The following CNBD1 variants were observed in gnomAD, a reference collection of about 807,000 sequenced individuals.
CNBD1 encodes the protein cyclic nucleotide-binding domain-containing protein 1.
In CNBD1, 71 loss-of-function variants were observed where a neutral mutation model predicts 54.4. The ratio of observed to expected loss-of-function variants is 1.30; its 90% confidence interval spans 1.08 to 1.59. The LOEUF (loss-of-function observed/expected upper bound fraction) is 1.59. Among genes scored for constraint, CNBD1 ranks in the 40% most tolerant of loss-of-function variants. The pLI, the probability that CNBD1 is intolerant of heterozygous loss-of-function variation, is 0.00. For missense variants in CNBD1, 659 were observed against 518.0 expected, an observed-to-expected ratio of 1.27 and a Z score of -2.64; for synonymous variants, 182 against 170.7, an observed-to-expected ratio of 1.07 and a Z score of -0.51.
rs115810697 is a variant in CNBD1 at position 87,364,592 on chromosome 8, G to A, written c.1303+10806G>A. Among the ~76,000 whole-genome samples, 591 of 151,708 alleles carry A rather than the reference G, an allele frequency of 3.9e-3. 8 individuals are homozygous for A. Among genetic ancestry groups the A allele is most frequent in the African/African-American group, 0.013 (557 of 41,426 alleles). On this transcript the variant is annotated intron_variant, in intron 10 of 10. Transcript: ENST00000518476. ...GTGTATAGATTTTTTTGTCACCTAG[G>A]TATCAAGCCTAGTTCCCATTAGTTA...
chr8:87,378,444 T>C (rs201026978), intron 10 of CNBD1, among the ~76,000 whole-genome samples: 4 of 151,082 alleles, frequency 2.6e-5, no homozygotes, highest in Non-Finnish European at 4.4e-5. Flanking sequence ...TCTCAGGTTT[T>C]TCAAAGATCA....
intron 4 of CNBD1, among the ~76,000 whole-genome samples, chr8:87,197,284 C>T (rs1261413921): frequency 1.3e-5 from 2 of 152,102 alleles, no homozygotes; most frequent in East Asian, 3.8e-4. Flanking sequence ...AAACGGTGTG[C>T]CTGACAATTT....
intron 3 of CNBD1, among the ~76,000 whole-genome samples, chr8:86,905,403 A>G (rs1809002909): frequency 6.6e-6 from 1 of 152,184 alleles, no homozygotes; most frequent in African/African-American, 2.4e-5. Context: ...ACTGCTAAAG[A>G]TCATATTTAT....
intron 4 of CNBD1, among the ~76,000 whole-genome samples, chr8:87,074,499 G>A (rs1003931405): frequency 4.6e-5 from 7 of 152,176 alleles, no homozygotes; most frequent in African/African-American, 7.2e-5. Flanking sequence ...ATCTCTGTGT[G>A]TGCCTAAGCA....
At chr8:86,966,514 G>A (rs113009462) in intron 4 of CNBD1, among the ~76,000 whole-genome samples, 32 of 152,284 alleles carry the variant, frequency 2.1e-4, no homozygotes, top group African/African-American at 6.0e-4. Context: ...CTTCAGAGGT[G>A]AAGCCGCAGA....
chr8:86,873,347 C>T lies in CNBD1; in HGVS notation c.88+6764C>T, dbSNP rs372273014. 3.8e-4 allele frequency among the ~76,000 whole-genome samples: 57 copies of T among 151,866 alleles called. No individual in the cohort carries two copies. In the East Asian group the frequency reaches 4.1e-3, roughly 11 times the overall value. ...AACTCCCAACCTCGGGTGATCTGCC[C>T]GCCTCGGCCTCCCAAAGTGCTAGGA... On this transcript the variant is annotated intron_variant, in intron 1 of 10. Transcript: ENST00000518476.
chr8:86,880,305 C>A (rs12543040), intron 1 of CNBD1, among the ~76,000 whole-genome samples: 72,588 of 151,612 alleles, frequency 0.48, 17,625 homozygotes, highest in East Asian at 0.56. Context: ...CCTGTGCAGA[C>A]TCAACCAACT....
At chr8:87,364,677 T>A (rs1359603225) in intron 10 of CNBD1, among the ~76,000 whole-genome samples, 1 of 151,760 alleles carries the variant, frequency 6.6e-6, no homozygotes, top group Non-Finnish European at 1.5e-5. Flanking sequence ...CCAGTGTGTA[T>A]TGTTCCCCTT....
At chr8:87,301,700 G>A (rs920440107) in intron 8 of CNBD1, among the ~76,000 whole-genome samples, 2 of 152,044 alleles carry the variant, frequency 1.3e-5, no homozygotes, top group East Asian at 1.9e-4. Context: ...ATGAATCCAG[G>A]ACCTGGTTTT....
chr8:87,312,037 C>T (rs1304323866), intron 8 of CNBD1, among the ~76,000 whole-genome samples: 2 of 152,004 alleles, frequency 1.3e-5, no homozygotes, highest in African/African-American at 4.8e-5. Flanking sequence ...GTACCCCAAA[C>T]CACAGCATCA....
At chr8:87,353,184 CCT>C (rs1258930925) in intron 9 of CNBD1, among the ~76,000 whole-genome samples, 1 of 152,142 alleles carries the variant, frequency 6.6e-6, no homozygotes, top group African/African-American at 2.4e-5. Flanking sequence ...AATAATCCCT[CCT>C]TTTTGACTTA....
intron 3 of CNBD1, among the ~76,000 whole-genome samples, chr8:86,912,717 A>T (rs141606311): frequency 1.3e-5 from 2 of 152,158 alleles, no homozygotes; most frequent in African/African-American, 4.8e-5. Flanking sequence ...TTTAAAAAAA[A>T]GGTTAATTGT....
chr8:87,284,787 C>T lies in CNBD1; in HGVS notation c.881C>T (p.Pro294Leu), dbSNP rs1402608543. ...GACGATTGTGAAATTCTTAAAATCC[C>T]AGCAAAGGGATATGCAAAGATAAAG... ...TEDDCEILKI[P>L]AKGYAKIKEE... Residue 294 changes from proline to leucine, a missense_variant, in exon 7 of 11, where the codon CCA becomes CTA. Transcript: ENST00000518476. 1.3e-6 allele frequency: 2 copies of T among 1,592,020 alleles called. No homozygotes were observed. The highest frequency in any genetic ancestry group is 1.7e-6 in the Non-Finnish European group (2 of 1,168,866).
chr8:87,046,315 TTG>T (rs1274930332), intron 4 of CNBD1, among the ~76,000 whole-genome samples: 1 of 152,140 alleles, frequency 6.6e-6, no homozygotes, highest in African/African-American at 2.4e-5. Context: ...TATAGGATTG[TTG>T]TGTGCATGTC....
intron 2 of CNBD1, among the ~76,000 whole-genome samples, chr8:86,893,131 T>C (rs1404541419): frequency 6.6e-6 from 1 of 152,160 alleles, no homozygotes; most frequent in Non-Finnish European, 1.5e-5. Context: ...CCCTGTCTTT[T>C]GGGATGGCAG....
intron 2 of CNBD1, among the ~76,000 whole-genome samples, chr8:87,413,220 G>A (rs963049573): frequency 9.9e-5 from 15 of 152,012 alleles, no homozygotes; most frequent in Admixed American, 3.3e-4. Context: ...GGAACAAAAG[G>A]AAGGCAGTAT....
rs181449690 is a variant in CNBD1, at chr8:87,152,572, C to T, written c.432-53421C>T. On this transcript the variant is annotated intron_variant, in intron 4 of 10. Transcript: ENST00000518476. The stretch of plus-strand genomic sequence containing the variant: ...GCTGTGGGCTGGACAAGGCTGGTAT[C>T]GAACCAACCTTATATTCCTGAGTGA... 5.9e-4 allele frequency among the ~76,000 whole-genome samples: 90 copies of T among 152,064 alleles called. 1 individual carries two copies. Among genetic ancestry groups the T allele is most frequent in the African/African-American group, 1.7e-3 (72 of 41,468 alleles).
Position 87,014,630 on chromosome 8 carries a change from TAAAC to T in CNBD1, c.431+74881_431+74884del, listed in dbSNP as rs1024366536. Among the ~76,000 whole-genome samples, 9 of 152,218 alleles carry T rather than the reference TAAAC, an allele frequency of 5.9e-5. No homozygotes were observed. In the East Asian group the frequency reaches 1.2e-3, roughly 20 times the overall value. Reference sequence around the variant, plus strand: ...GTAAGTGTAATGAAATAAAATCTTGTAAACAAACTTGTCATAATTTAGGATCTAA... The same window carrying T: ...GTAAGTGTAATGAAATAAAATCTTGTAAACTTGTCATAATTTAGGATCTAA... On this transcript the variant is annotated intron_variant, in intron 4 of 10. Transcript: ENST00000518476.
chr8:87,198,379 A>G (rs1412024682), intron 4 of CNBD1, among the ~76,000 whole-genome samples: 1 of 152,178 alleles, frequency 6.6e-6, no homozygotes, highest in African/African-American at 2.4e-5. Context: ...AAGGAGAGAA[A>G]AGCTTATTTC....
Sources: gnomAD v4.1 joint callset for allele counts (sites outside exome capture counted in the v4.1 genomes callset) on GRCh38, gnomAD v4.1.1 for gene constraint, MANE v1.5 for transcripts, NCBI Gene and HGNC (gene_info 2026-07-23, HGNC 2026-07-21) for gene names.